SLC22A9: variants seen among roughly 807,000 people sequenced by gnomAD.
SLC22A9 encodes the protein organic anion transporter 7.
Under a neutral mutation model 50.1 loss-of-function variants are expected in SLC22A9, and 64 were observed. That is an observed-to-expected ratio of 1.28 (90% CI 1.04 to 1.57). The LOEUF is 1.57. Ranked by LOEUF, SLC22A9 falls within the 40% of genes most tolerant of loss-of-function variation. The probability of loss-of-function intolerance (pLI) is 0.00; values close to 1 mark genes in which losing one functional copy is unlikely to be tolerated. For synonymous variants in SLC22A9, 261 were observed against 242.5 expected (o/e 1.08, Z -0.71); for missense variants, 757 against 676.1 (o/e 1.12, Z -1.33).
At chr11:63,406,460 G>T in intron 6 of SLC22A9, 37 bp from the exon 7 acceptor site, 6 of 1,579,972 alleles carry the variant, frequency 3.8e-6, no homozygotes, top group South Asian at 1.1e-5. Flanking sequence ...AGGCTCCACA[G>T]ATTATAATAT....
intron 5 of SLC22A9, among the ~76,000 whole-genome samples, chr11:63,376,532 C>T (rs1406244097): frequency 6.6e-6 from 1 of 151,152 alleles, no homozygotes; most frequent in African/African-American, 2.4e-5. Context: ...AAGGTAACTA[C>T]CTGAATGAAG....
intron 6 of SLC22A9, among the ~76,000 whole-genome samples, chr11:63,393,548 G>T (rs2014801142): frequency 6.6e-6 from 1 of 152,088 alleles, no homozygotes; most frequent in Admixed American, 6.6e-5. Flanking sequence ...TCAGTATTAT[G>T]TTGGCCGTGG....
intron 5 of SLC22A9, among the ~76,000 whole-genome samples, chr11:63,379,904 G>T (rs151294667): frequency 1.3e-5 from 2 of 152,154 alleles, no homozygotes; most frequent in Admixed American, 1.3e-4. Context: ...ACTAATTTTT[G>T]TATTTTTAGT....
intron 6 of SLC22A9, among the ~76,000 whole-genome samples, chr11:63,386,141 C>T (rs1299719111): frequency 3.3e-5 from 5 of 152,042 alleles, no homozygotes; most frequent in South Asian, 2.1e-4. Context: ...GGGATGAAGC[C>T]GACTTCATCG....
chr11:63,401,955 T>C (rs2014958783), intron 6 of SLC22A9, among the ~76,000 whole-genome samples: 1 of 152,148 alleles, frequency 6.6e-6, no homozygotes, highest in Non-Finnish European at 1.5e-5. Flanking sequence ...ATGGGTTTGT[T>C]TGTTTGTTTG....
chr11:63,404,587 C>A (rs530216579), intron 6 of SLC22A9, among the ~76,000 whole-genome samples: 1 of 152,168 alleles, frequency 6.6e-6, no homozygotes, highest in South Asian at 2.1e-4. Context: ...GATTTCAGTA[C>A]CAGAGTGGTT....
rs148338717 is a variant in SLC22A9, at chr11:63,407,790, C to CA, written c.1289-321dup. Among the ~76,000 whole-genome samples the CA allele has an allele frequency of 3.0e-3, 464 of 152,260 alleles. 6 individuals are homozygous for CA. Among genetic ancestry groups the CA allele is most frequent in the African/African-American group, 0.011 (443 of 41,548 alleles). On this transcript the variant is annotated intron_variant, in intron 7 of 9. Coordinates refer to ENST00000279178, the MANE Select transcript of SLC22A9 (RefSeq NM_080866.3). ...ACAGTCCTATGTTCTACCAGGTAGG[C>CA]AGAGGAGTCCCTGGACGGAATAAAT...
chr11:63,391,617 T>C (rs2014765248), intron 6 of SLC22A9, among the ~76,000 whole-genome samples: 2 of 152,034 alleles, frequency 1.3e-5, no homozygotes, highest in Non-Finnish European at 2.9e-5. Context: ...CTCTGATGAG[T>C]GTATCTACTC....
At chr11:63,406,822 G>A in intron 7 of SLC22A9, 111 bp downstream of exon 7, 1 of 1,223,606 alleles carries the variant, frequency 8.2e-7, no homozygotes, top group Non-Finnish European at 1.1e-6. Context: ...TGGGTTCTTA[G>A]GATTTCCTGA....
intron 6 of SLC22A9, among the ~76,000 whole-genome samples, chr11:63,392,603 C>T (rs1174404075): frequency 1.4e-4 from 22 of 151,962 alleles, no homozygotes; most frequent in African/African-American, 5.3e-4. Context: ...TGTATAGGAG[C>T]TCCACTGCAT....
chr11:63,375,653 T>C lies in SLC22A9; in HGVS notation c.839T>C (p.Leu280Pro). 2.5e-6 allele frequency: 4 copies of C among 1,612,302 alleles called. No homozygotes were observed. Among genetic ancestry groups the C allele is most frequent in the Non-Finnish European group, 3.4e-6 (4 of 1,178,804 alleles). Reference sequence around the variant, plus strand: ...TTCTCTTCCTTGGTCAGTTGGCTGCTAGAGTCTGCTCGGTGGCTCATTATC... The same window carrying C: ...TTCTCTTCCTTGGTCAGTTGGCTGCCAGAGTCTGCTCGGTGGCTCATTATC... The part of the protein sequence containing the change: ...FVIFLTSSWL[L>P]ESARWLIINN... Residue 280 changes from leucine (L) to proline (P), a missense_variant, in exon 5 of 10, where the codon CTA (leucine) becomes CCA (proline). Leu to Pro is a moderately conservative substitution (Grantham distance 98). Transcript: ENST00000279178.
At chr11:63,380,773 T>C (rs886377557) in intron 5 of SLC22A9, among the ~76,000 whole-genome samples, 3 of 151,978 alleles carry the variant, frequency 2.0e-5, no homozygotes, top group African/African-American at 4.8e-5. Flanking sequence ...ATTAACTTGG[T>C]GATGAAATCA....
intron 6 of SLC22A9, among the ~76,000 whole-genome samples, chr11:63,390,801 A>G (rs1374081744): frequency 6.6e-6 from 1 of 152,168 alleles, no homozygotes; most frequent in Non-Finnish European, 1.5e-5. Context: ...TATTTTCACA[A>G]TATTGATTCT....
chr11:63,370,481 C>G (rs2014335320), intron 1 of SLC22A9, 23 bp downstream of exon 1: 3 of 1,541,778 alleles, frequency 1.9e-6, no homozygotes, highest in Non-Finnish European at 8.7e-7. Flanking sequence ...GTTCTCGTCT[C>G]ATGAGTATGT....
chr11:63,374,710 G>C (rs11828961), intron 4 of SLC22A9, among the ~76,000 whole-genome samples: 2,388 of 152,214 alleles, frequency 0.016, 58 homozygotes, highest in African/African-American at 0.055. Context: ...TTCCATGGTA[G>C]TCTATGTTTT....
At chr11:63,409,315 A>G (rs780519093) in intron 9 of SLC22A9, among the ~76,000 whole-genome samples, 2 of 152,136 alleles carry the variant, frequency 1.3e-5, no homozygotes, top group Non-Finnish European at 2.9e-5. Context: ...GCCACTGAAG[A>G]ATTTGTGGAA....
intron 5 of SLC22A9, 130 bp downstream of exon 5, chr11:63,375,898 A>C: frequency 8.5e-7 from 1 of 1,175,380 alleles, no homozygotes; most frequent in Non-Finnish European, 1.2e-6. Context: ...GTATCACCTC[A>C]CTATCATTTT....
At chr11:63,406,462 TTATAA>T (rs2015038576) in intron 6 of SLC22A9, 30 bp from the exon 7 acceptor site, 2 of 1,575,762 alleles carry the variant, frequency 1.3e-6, no homozygotes, top group Non-Finnish European at 8.7e-7. Flanking sequence ...GCTCCACAGA[TTATAA>T]TATGTTTCTT....
At chr11:63,404,311 C>T (rs567641) in intron 6 of SLC22A9, among the ~76,000 whole-genome samples, 2,744 of 152,036 alleles carry the variant, frequency 0.018, 84 homozygotes, top group African/African-American at 0.063. Context: ...TCAGGGACAG[C>T]GGACAGAGGG....
Sources: allele counts gnomAD v4.1 joint callset (sites outside exome capture counted in the v4.1 genomes callset), GRCh38; gene constraint gnomAD v4.1.1; transcripts MANE v1.5; gene names NCBI Gene and HGNC (gene_info 2026-07-23, HGNC 2026-07-21).